SEL1L2: variants seen among roughly 807,000 people sequenced by gnomAD.
The protein encoded by SEL1L2 is SEL1L2 adaptor subunit of SYVN1 ubiquitin ligase, also known as protein sel-1 homolog 2.
A neutral mutation model predicts 98.8 loss-of-function variants in SEL1L2; 89 were observed. That is an observed-to-expected ratio of 0.90 (90% CI 0.76 to 1.07). The LOEUF (loss-of-function observed/expected upper bound fraction) is 1.07. Among genes scored for constraint, SEL1L2 ranks in the 50% least tolerant of loss-of-function variants. SEL1L2 has a pLI of 0.00. For synonymous variants in SEL1L2, 262 were observed against 278.5 expected (o/e 0.94, Z 0.59); for missense variants, 788 against 812.0 (o/e 0.97, Z 0.36).
chr20:13,962,701 AG>A (rs2148474221), intron 1 of SEL1L2, among the ~76,000 whole-genome samples: 1 of 152,362 alleles, frequency 6.6e-6, no homozygotes, highest in South Asian at 2.1e-4. Context: ...TCTGAAGCTA[AG>A]GTAGACCAAT....
At chr20:13,966,739 G>C (rs2051060599) in intron 1 of SEL1L2, among the ~76,000 whole-genome samples, 1 of 152,192 alleles carries the variant, frequency 6.6e-6, no homozygotes, top group Non-Finnish European at 1.5e-5. Flanking sequence ...AATGGGAATA[G>C]AAATACTGTT....
At chr20:13,937,850 T>G (rs1361072410) in intron 2 of SEL1L2, among the ~76,000 whole-genome samples, 1 of 152,220 alleles carries the variant, frequency 6.6e-6, no homozygotes, top group Non-Finnish European at 1.5e-5. Flanking sequence ...GGAAGGAACG[T>G]GTTTCACAGG....
chr20:13,914,005 C>T, intron 4 of SEL1L2, 61 bp from the exon 5 acceptor site: 1 of 1,405,770 alleles, frequency 7.1e-7, no homozygotes, highest in Admixed American at 2.6e-5. Context: ...TCTCCTTCTT[C>T]AACACTATTC....
In SEL1L2 at chr20:13,990,517, C is replaced by G; in HGVS notation, c.18G>C (p.Leu6=). The change falls in exon 1 of 20, where the codon CTG becomes CTC. Residue 6 remains leucine, a synonymous_variant. Transcript: ENST00000284951. ...CAAGAATTATCAATATCTCTATTAA[C>G]AGAGACAAGGGCTTCATCTTCTCTT... MKPLS[L]LIEILIILGV... 1 of 1,612,748 alleles carries G rather than the reference C, an allele frequency of 6.2e-7. No homozygotes were observed.
intron 1 of SEL1L2, among the ~76,000 whole-genome samples, chr20:13,973,771 G>T (rs1020465158): frequency 6.6e-6 from 1 of 152,098 alleles, no homozygotes; most frequent in African/African-American, 2.4e-5. Context: ...CTTTTGCCAG[G>T]TTCCTGATGT....
chr20:13,934,059 C>T (rs551440777), intron 2 of SEL1L2, among the ~76,000 whole-genome samples: 26 of 148,516 alleles, frequency 1.8e-4, no homozygotes, highest in Middle Eastern at 3.5e-3. Context: ...GATTTTGGTG[C>T]ACCCATCACC....
At chr20:13,904,668 T>C (rs2047840321) in intron 5 of SEL1L2, among the ~76,000 whole-genome samples, 1 of 152,202 alleles carries the variant, frequency 6.6e-6, no homozygotes, top group African/African-American at 2.4e-5. Flanking sequence ...GGGATCCTGG[T>C]ACTCCTCTCA....
intron 2 of SEL1L2, among the ~76,000 whole-genome samples, chr20:13,946,511 T>C (rs1407119857): frequency 6.6e-6 from 1 of 152,238 alleles, no homozygotes; most frequent in African/African-American, 2.4e-5. Context: ...ATGGAAATGA[T>C]GATGGTGGTG....
intron 3 of SEL1L2, among the ~76,000 whole-genome samples, chr20:13,919,951 A>G (rs999757675): frequency 4.9e-5 from 7 of 143,698 alleles, no homozygotes; most frequent in Non-Finnish European, 7.6e-5. Flanking sequence ...GTTATTGGCC[A>G]GGTGAGGTGG....
Position 13,877,606 on chromosome 20 carries a change from A to G in SEL1L2, c.958-18T>C, listed in dbSNP as rs768169027. The G allele has an allele frequency of 1.9e-6, 3 of 1,599,410 alleles. No individual in the cohort carries two copies. The highest frequency in any genetic ancestry group is 1.1e-5 in the South Asian group (1 of 90,424). On this transcript the variant is annotated intron_variant, in intron 10 of 19. Coordinates refer to ENST00000284951, the MANE Select transcript of SEL1L2 (RefSeq NM_025229.2). ...AATGCTTTCTGGAGAGAAAAGGAAC[A>G]GTGTTATTGCTAGTCACAAAATAAA...
intron 5 of SEL1L2, among the ~76,000 whole-genome samples, chr20:13,912,857 A>G (rs145066713): frequency 1.2e-4 from 18 of 152,374 alleles, no homozygotes; most frequent in African/African-American, 3.8e-4. Flanking sequence ...CAGTTTGCCA[A>G]TCAGAGGTCA....
chr20:13,904,824 C>T (rs562557444), intron 5 of SEL1L2, among the ~76,000 whole-genome samples: 58 of 152,280 alleles, frequency 3.8e-4, no homozygotes, highest in African/African-American at 1.3e-3. Context: ...GAAACACTGA[C>T]GTAAACAAAT....
At chr20:13,965,993 C>T (rs542013115) in intron 1 of SEL1L2, among the ~76,000 whole-genome samples, 6 of 151,362 alleles carry the variant, frequency 4.0e-5, no homozygotes, top group African/African-American at 1.2e-4. Context: ...CACAGACCAC[C>T]GTAAGAGATA....
chr20:13,954,318 A>G (rs139988383), intron 2 of SEL1L2, among the ~76,000 whole-genome samples: 7 of 152,304 alleles, frequency 4.6e-5, no homozygotes, highest in African/African-American at 1.4e-4. Context: ...CCAAGGAGTC[A>G]TGTAACACTA....
At chr20:13,883,769 T>C (rs146778607) in intron 10 of SEL1L2, among the ~76,000 whole-genome samples, 7 of 152,376 alleles carry the variant, frequency 4.6e-5, no homozygotes, top group Non-Finnish European at 1.0e-4. Context: ...TTTATTGCAC[T>C]GTACAAAGAT....
chr20:13,940,825 G>T (rs556847710), intron 2 of SEL1L2, among the ~76,000 whole-genome samples: 1 of 152,068 alleles, frequency 6.6e-6, no homozygotes, highest in Admixed American at 6.6e-5. Context: ...GCTTGAACCC[G>T]GGAGGCGGAG....
intron 14 of SEL1L2, among the ~76,000 whole-genome samples, chr20:13,868,606 C>CTT (rs1259507156): frequency 6.4e-4 from 88 of 138,582 alleles, no homozygotes; most frequent in Middle Eastern, 7.4e-3. Flanking sequence ...TTCTTTCTTA[C>CTT]TTTTTTTTTT....
chr20:13,855,939 C>A (rs1210829938), intron 18 of SEL1L2, among the ~76,000 whole-genome samples: 1 of 152,132 alleles, frequency 6.6e-6, no homozygotes, highest in African/African-American at 2.4e-5. Context: ...AGAGTCATCT[C>A]GGTCACAGAT....
intron 10 of SEL1L2, among the ~76,000 whole-genome samples, chr20:13,883,860 A>G (rs2046825757): frequency 6.6e-6 from 1 of 152,250 alleles, no homozygotes; most frequent in Non-Finnish European, 1.5e-5. Flanking sequence ...ACGTCTTCCT[A>G]GTTACATATT....
Sources: gnomAD v4.1 joint callset for allele counts (sites outside exome capture counted in the v4.1 genomes callset) on GRCh38, gnomAD v4.1.1 for gene constraint, MANE v1.5 for transcripts, NCBI Gene and HGNC (gene_info 2026-07-23, HGNC 2026-07-21) for gene names.